The following MEGF10 variants were observed in gnomAD, a reference collection of about 807,000 sequenced individuals.
MEGF10 encodes multiple EGF like domains 10.
In MEGF10, 86 loss-of-function variants were observed where a neutral mutation model predicts 147.5. The observed-to-expected ratio is 0.58, with a 90% confidence interval of 0.49 to 0.70. The LOEUF is 0.70. MEGF10 is among the 30% of genes least tolerant of loss of function. The pLI is 0.00. For missense variants in MEGF10, 1,329 were observed against 1,487.3 expected (o/e 0.89, Z 1.75); for synonymous variants, 478 against 525.5 (o/e 0.91, Z 1.24).
chr5:127,255,484 A>C, the MEGF10 span, among the ~76,000 whole-genome samples: 1 of 151,094 alleles, frequency 6.6e-6, no homozygotes, highest in African/African-American at 2.5e-5. Flanking sequence ...GTTTTAGGGA[A>C]GGACTATTAT....
At chr5:127,326,261 T>A (rs559408902) in intron 1 of MEGF10, among the ~76,000 whole-genome samples, 1 of 152,256 alleles carries the variant, frequency 6.6e-6, no homozygotes, top group East Asian at 1.9e-4. Flanking sequence ...CTTAAATGAA[T>A]ACTCTGTTCC....
intron 2 of MEGF10, among the ~76,000 whole-genome samples, chr5:127,336,795 C>A (rs943875676): frequency 9.2e-5 from 14 of 152,058 alleles, no homozygotes; most frequent in Admixed American, 6.6e-5. Context: ...TCCCAACTGG[C>A]ATTAATTTAG....
At chr5:127,269,783 A>G in the MEGF10 span, among the ~76,000 whole-genome samples, 1 of 152,214 alleles carries the variant, frequency 6.6e-6, no homozygotes, top group Non-Finnish European at 1.5e-5. Flanking sequence ...CATAATTGTC[A>G]GATTCACCAA....
the MEGF10 span, among the ~76,000 whole-genome samples, chr5:127,239,850 G>T: frequency 7.9e-5 from 12 of 152,052 alleles, no homozygotes; most frequent in African/African-American, 2.9e-4. Context: ...TGTTTGATGA[G>T]GATAAGCTGC....
chr5:127,366,977 A>T (rs1029067014), intron 4 of MEGF10, among the ~76,000 whole-genome samples: 13 of 152,218 alleles, frequency 8.5e-5, no homozygotes, highest in African/African-American at 2.9e-4. Context: ...TTAACTTGTC[A>T]TGCATTTATT....
intron 1 of MEGF10, among the ~76,000 whole-genome samples, chr5:127,327,621 G>A (rs751981425): frequency 2.2e-4 from 33 of 151,832 alleles, no homozygotes; most frequent in Non-Finnish European, 3.4e-4. Context: ...TACTCACTAT[G>A]TTTACTCACC....
Position 127,340,640 on chromosome 5 carries a change from A to G in MEGF10, c.319+10A>G. ...GGGGAAATGTGTGTCCGTAAGTAAG[A>G]CTGTCACCCCTTTGAGATTCGCTAG... On this transcript the variant is annotated intron_variant, in intron 4 of 24. Coordinates refer to ENST00000503335, the MANE Select transcript of MEGF10 (RefSeq NM_001256545.2). The G allele has an allele frequency of 6.2e-7, 1 of 1,606,974 alleles. No homozygotes were observed. The highest frequency in any genetic ancestry group is 8.5e-7 in the Non-Finnish European group (1 of 1,174,014).
chr5:127,260,033 T>C, the MEGF10 span, among the ~76,000 whole-genome samples: 1 of 152,002 alleles, frequency 6.6e-6, no homozygotes, highest in African/African-American at 2.4e-5. Context: ...GGTGTGTGCC[T>C]ATAATCCCAT....
the MEGF10 span, among the ~76,000 whole-genome samples, chr5:127,233,766 A>T: frequency 6.6e-6 from 1 of 152,160 alleles, no homozygotes; most frequent in Admixed American, 6.5e-5. Context: ...CTCATTTGTC[A>T]TGGCCAGCTT....
At chr5:127,304,406 C>T (rs996392791) in intron 1 of MEGF10, among the ~76,000 whole-genome samples, 17 of 152,328 alleles carry the variant, frequency 1.1e-4, no homozygotes, top group Non-Finnish European at 1.5e-4. Context: ...TGGGCCTCCT[C>T]AGCTCTCTGT....
intron 5 of MEGF10, among the ~76,000 whole-genome samples, chr5:127,387,520 A>T (rs1763476666): frequency 6.6e-6 from 1 of 152,184 alleles, no homozygotes; most frequent in East Asian, 1.9e-4. Context: ...CCCTTTGAAA[A>T]CCAGGCAGAA....
intron 8 of MEGF10, among the ~76,000 whole-genome samples, chr5:127,409,218 T>A (rs1764456897): frequency 6.6e-6 from 1 of 152,250 alleles, no homozygotes; most frequent in Non-Finnish European, 1.5e-5. Context: ...CTTTTCTGCT[T>A]CTTTTAAGTG....
At chr5:127,339,454 C>T (rs1027017651) in intron 3 of MEGF10, among the ~76,000 whole-genome samples, 13 of 152,122 alleles carry the variant, frequency 8.5e-5, no homozygotes, top group Admixed American at 6.6e-4. Context: ...TGTTTACCAT[C>T]ATTTGTTAAC....
intron 1 of MEGF10, among the ~76,000 whole-genome samples, chr5:127,297,038 C>T (rs1759534534): frequency 6.6e-6 from 1 of 152,196 alleles, no homozygotes; most frequent in African/African-American, 2.4e-5. Context: ...GCAATCTCAA[C>T]TCACTGCAAC....
At chr5:127,407,779 G>C (rs932680381) in intron 8 of MEGF10, among the ~76,000 whole-genome samples, 4 of 152,118 alleles carry the variant, frequency 2.6e-5, no homozygotes, top group African/African-American at 9.7e-5. Flanking sequence ...GCTTGATAAA[G>C]ACTTTTAATG....
At position 127,457,473 on chromosome 5, in the gene MEGF10, G is replaced by A. The variant is rs776814467; in HGVS notation, c.*155G>A. The A allele has an allele frequency of 1.6e-5, 12 of 744,870 alleles. No homozygotes were observed. The East Asian group carries it at 1.6e-4, about 10-fold the overall frequency. The allele number at this position is 744,870 out of a possible 1,614,324, so 46.1% of individuals were successfully genotyped here. On this transcript the variant is annotated 3_prime_UTR_variant, in exon 25 of 25. Transcript: ENST00000503335. ...GAAAGCTGAAAGCTGAGGCTGACACGGACTGTAGGTGCTTTTTGTTCAGGT... is the reference window on the plus strand; with the variant it reads ...GAAAGCTGAAAGCTGAGGCTGACACAGACTGTAGGTGCTTTTTGTTCAGGT...
At chr5:127,395,344 A>AT in intron 5 of MEGF10, among the ~76,000 whole-genome samples, 1 of 151,540 alleles carries the variant, frequency 6.6e-6, no homozygotes, top group Admixed American at 6.6e-5. Context: ...CTCAAATGCC[A>AT]TTTTCTTCCT....
chr5:127,447,501 T>A lies in MEGF10; in HGVS notation c.2729-56T>A, dbSNP rs1055007757. The A allele has an allele frequency of 2.5e-6, 4 of 1,608,000 alleles. No homozygotes were observed. In the African/African-American group the frequency reaches 4.0e-5, roughly 16 times the overall value. On this transcript the variant is annotated intron_variant, in intron 20 of 24. Transcript: ENST00000503335. ...CTGTTTTGTTATTTTGATTCCCTTTTTTCACACACATTTATGGGAGCCTGC... is the reference window on the plus strand; with the variant it reads ...CTGTTTTGTTATTTTGATTCCCTTTATTCACACACATTTATGGGAGCCTGC...
At chr5:127,263,935 A>T in the MEGF10 span, among the ~76,000 whole-genome samples, 2 of 152,164 alleles carry the variant, frequency 1.3e-5, no homozygotes, top group East Asian at 3.9e-4. Context: ...TTATGACAGT[A>T]ATTTAAAAGA....
Sources: allele counts gnomAD v4.1 joint callset (sites outside exome capture counted in the v4.1 genomes callset), GRCh38; gene constraint gnomAD v4.1.1; transcripts MANE v1.5; gene names NCBI Gene and HGNC (gene_info 2026-07-23, HGNC 2026-07-21).